The following BMP2K variants were observed in gnomAD, a reference collection of about 807,000 sequenced individuals.
BMP2K encodes BMP2 inducible kinase.
In BMP2K, 74 loss-of-function variants were observed where a neutral mutation model predicts 116.0. The observed-to-expected ratio is 0.64, with a 90% confidence interval of 0.53 to 0.77. The LOEUF (loss-of-function observed/expected upper bound fraction) is 0.77, where lower values mean the gene tolerates loss of function less well. Ranked by LOEUF, BMP2K falls within the 30% of genes least tolerant of loss-of-function variation. The pLI, the probability that BMP2K is intolerant of heterozygous loss-of-function variation, is 0.00. For missense variants in BMP2K, 1,365 were observed against 1,403.6 expected, an observed-to-expected ratio of 0.97 and a Z score of 0.44; for synonymous variants, 486 against 502.5, an observed-to-expected ratio of 0.97 and a Z score of 0.44.
At chr4:78,812,444 A>G (rs1179668291) in intron 1 of BMP2K, among the ~76,000 whole-genome samples, 2 of 152,190 alleles carry the variant, frequency 1.3e-5, no homozygotes, top group African/African-American at 2.4e-5. Context: ...CCAATTTCAC[A>G]TCTCCTATTG....
At chr4:78,864,801 C>A (rs1188193192) in intron 9 of BMP2K, among the ~76,000 whole-genome samples, 1 of 152,068 alleles carries the variant, frequency 6.6e-6, no homozygotes, top group Non-Finnish European at 1.5e-5. Context: ...GTCCTATTAA[C>A]AAGTATTTGA....
At chr4:78,796,565 G>A (rs992968124) in intron 1 of BMP2K, among the ~76,000 whole-genome samples, 1 of 152,154 alleles carries the variant, frequency 6.6e-6, no homozygotes, top group Admixed American at 6.5e-5. Context: ...ATGCTCTTTA[G>A]GAAATCTGGT....
chr4:78,802,895 G>A (rs979970126), intron 1 of BMP2K, among the ~76,000 whole-genome samples: 2 of 151,718 alleles, frequency 1.3e-5, no homozygotes, highest in Non-Finnish European at 2.9e-5. Flanking sequence ...TGTTGCCCAG[G>A]CTGAAGTGCA....
At chr4:78,835,369 T>TA (rs1448234435) in intron 3 of BMP2K, among the ~76,000 whole-genome samples, 1 of 152,176 alleles carries the variant, frequency 6.6e-6, no homozygotes, top group African/African-American at 2.4e-5. Context: ...CTCACGCCTG[T>TA]AATCTCAGCA....
chr4:78,886,711 AAAAG>A (rs1398039053), intron 14 of BMP2K, among the ~76,000 whole-genome samples: 1 of 152,192 alleles, frequency 6.6e-6, no homozygotes, highest in Non-Finnish European at 1.5e-5. Context: ...GTAGTACAAA[AAAAG>A]AACAAAAAAG....
chr4:78,873,174 T>G (rs1159356881), intron 13 of BMP2K, among the ~76,000 whole-genome samples: 2 of 152,220 alleles, frequency 1.3e-5, no homozygotes, highest in African/African-American at 4.8e-5. Flanking sequence ...CTTTGATTAA[T>G]TTTACTGTTT....
Position 78,912,101 on chromosome 4 carries a change from AAG to A in BMP2K, c.*70_*71del. ...AGTGTGAACAGTTTTATGAATTTGA[AAG>A]AAAATTTGGTAGCTCTTTATAGCAT... is the stretch of plus-strand genomic sequence containing the variant. On this transcript the variant is annotated 3_prime_UTR_variant, in exon 16 of 16. Transcript: ENST00000502613. 7.0e-7 allele frequency: 1 copy of A among 1,433,494 alleles called. No homozygotes were observed. The highest frequency in any genetic ancestry group is 9.5e-7 in the Non-Finnish European group (1 of 1,053,504). 88.8% of individuals were successfully genotyped at this position (1,433,494 alleles called of 1,614,324 possible).
intron 7 of BMP2K, 42 bp downstream of exon 7, chr4:78,851,098 G>C (rs760236990): frequency 3.9e-6 from 6 of 1,526,658 alleles, no homozygotes; most frequent in East Asian, 4.8e-5. Flanking sequence ...GTAGGATACT[G>C]TACTTAGGGC....
chr4:78,850,527 C>G (rs1170350431), intron 6 of BMP2K, among the ~76,000 whole-genome samples: 6 of 151,968 alleles, frequency 3.9e-5, no homozygotes, highest in Admixed American at 3.9e-4. Context: ...TTTGGAATCC[C>G]AGGACTTTTA....
chr4:78,786,667 T>G (rs187010302), intron 1 of BMP2K, among the ~76,000 whole-genome samples: 2 of 152,196 alleles, frequency 1.3e-5, no homozygotes, highest in African/African-American at 4.8e-5. Flanking sequence ...TCCACCACTC[T>G]GTTAAAAATG....
chr4:78,895,114 A>C (rs115038914), intron 15 of BMP2K, among the ~76,000 whole-genome samples: 2,444 of 152,314 alleles, frequency 0.016, 69 homozygotes, highest in African/African-American at 0.056. Flanking sequence ...AAAAAGTTTT[A>C]AATATTGTAA....
At chr4:78,834,494 C>T (rs915325639) in intron 3 of BMP2K, among the ~76,000 whole-genome samples, 14 of 152,118 alleles carry the variant, frequency 9.2e-5, no homozygotes, top group Non-Finnish European at 2.9e-5. Flanking sequence ...ATCTCCTGAC[C>T]TCGTGATCCG....
At chr4:78,789,065 C>G (rs983070150) in intron 1 of BMP2K, among the ~76,000 whole-genome samples, 1 of 151,942 alleles carries the variant, frequency 6.6e-6, no homozygotes, top group Admixed American at 6.6e-5. Context: ...ACAGGACCTT[C>G]TCAGAGCCTC....
intron 1 of BMP2K, among the ~76,000 whole-genome samples, chr4:78,783,108 G>A (rs1483054413): frequency 3.3e-5 from 5 of 152,050 alleles, no homozygotes; most frequent in Admixed American, 3.3e-4. Context: ...TATATATTTG[G>A]TATCACATTT....
chr4:78,854,179 T>G (rs1451975582), intron 7 of BMP2K, among the ~76,000 whole-genome samples: 1 of 150,918 alleles, frequency 6.6e-6, no homozygotes, highest in Non-Finnish European at 1.5e-5. Flanking sequence ...TTTTTTTTTT[T>G]TTAAACTTTA....
At chr4:78,807,025 T>A (rs1298752243) in intron 1 of BMP2K, among the ~76,000 whole-genome samples, 1 of 151,824 alleles carries the variant, frequency 6.6e-6, no homozygotes, top group Non-Finnish European at 1.5e-5. Flanking sequence ...AATTTTCGTA[T>A]TTTTTTAGTA....
chr4:78,908,737 T>A (rs981418566), intron 15 of BMP2K, among the ~76,000 whole-genome samples: 1 of 152,200 alleles, frequency 6.6e-6, no homozygotes, highest in African/African-American at 2.4e-5. Flanking sequence ...TCCAACTTAC[T>A]CATTTTTTAA....
At chr4:78,908,193 CCTG>C (rs769852841) in intron 15 of BMP2K, among the ~76,000 whole-genome samples, 2 of 152,114 alleles carry the variant, frequency 1.3e-5, no homozygotes, top group African/African-American at 2.4e-5. Context: ...TTAAGTATAA[CCTG>C]GTGGTATTCT....
chr4:78,895,546 T>A (rs1733656771), intron 15 of BMP2K, among the ~76,000 whole-genome samples: 1 of 151,186 alleles, frequency 6.6e-6, no homozygotes, highest in Admixed American at 6.6e-5. Context: ...ATAAAAGAAC[T>A]GACACCTAAA....
Sources: gnomAD v4.1 joint callset for allele counts (sites outside exome capture counted in the v4.1 genomes callset) on GRCh38, gnomAD v4.1.1 for gene constraint, MANE v1.5 for transcripts, NCBI Gene and HGNC (gene_info 2026-07-23, HGNC 2026-07-21) for gene names.